Variants in ABCA12 observed in about 807,000 individuals in gnomAD.
ABCA12 encodes glucosylceramide transporter ABCA12.
A neutral mutation model predicts 293.5 loss-of-function variants in ABCA12; 156 were observed. The ratio of observed to expected loss-of-function variants is 0.53; its 90% CI spans 0.47 to 0.61. The LOEUF (loss-of-function observed/expected upper bound fraction) is 0.61, where lower values mean the gene tolerates loss of function less well. ABCA12 is among the 20% of genes least tolerant of loss of function. The pLI, the probability that ABCA12 is intolerant of heterozygous loss-of-function variation, is 0.00. For missense variants in ABCA12, 2,797 were observed against 3,090.2 expected (o/e 0.91, Z 2.25); for synonymous variants, 1,063 against 1,108.0 (o/e 0.96, Z 0.81).
intron 1 of ABCA12, among the ~76,000 whole-genome samples, 160 bp from the exon 2 acceptor site, chr2:215,111,850 T>A (rs867732952): frequency 3.4e-4 from 51 of 152,188 alleles, no homozygotes; most frequent in Non-Finnish European, 1.5e-4. Context: ...GAGATTTTTT[T>A]AATATGTAAA....
intron 27 of ABCA12, among the ~76,000 whole-genome samples, chr2:214,987,174 C>T (rs1339460865): frequency 1.3e-5 from 2 of 152,146 alleles, no homozygotes; most frequent in Admixed American, 6.5e-5. Context: ...CTCCTTCAGG[C>T]ATCACAAAAG....
chr2:214,989,764 T>C, intron 24 of ABCA12, 143 bp from the exon 25 acceptor site: 2 of 850,088 alleles, frequency 2.4e-6, no homozygotes, highest in South Asian at 1.8e-5. Context: ...AATACAGCAG[T>C]CCCTTACCAA....
chr2:215,120,307 A>G (rs1259623583), intron 1 of ABCA12, among the ~76,000 whole-genome samples: 3 of 152,136 alleles, frequency 2.0e-5, no homozygotes, highest in African/African-American at 7.2e-5. Context: ...GGGTTGAAAA[A>G]CTACCTATTT....
chr2:214,981,762 T>G (rs980092945), intron 30 of ABCA12, among the ~76,000 whole-genome samples: 1 of 4,604 alleles, frequency 2.2e-4, no homozygotes, highest in East Asian at 0.17. Context: ...GTCAAGCTGG[T>G]TTTTTTTTTT....
At chr2:215,065,461 G>A (rs374657477) in intron 2 of ABCA12, among the ~76,000 whole-genome samples, 14 of 152,058 alleles carry the variant, frequency 9.2e-5, no homozygotes, top group East Asian at 7.7e-4. Flanking sequence ...ATAGGTATTT[G>A]ATTCCAGTAA....
intron 2 of ABCA12, among the ~76,000 whole-genome samples, chr2:215,107,144 A>G (rs752841313): frequency 2.6e-5 from 4 of 152,078 alleles, no homozygotes; most frequent in Admixed American, 6.5e-5. Context: ...GAGTCTACTT[A>G]TCTCATTCTG....
chr2:215,095,008 C>T (rs2106110706), intron 2 of ABCA12, among the ~76,000 whole-genome samples: 1 of 152,238 alleles, frequency 6.6e-6, no homozygotes, highest in South Asian at 2.1e-4. Context: ...TTTCCTTATC[C>T]CCAAAAATCA....
At position 215,000,872 on chromosome 2, in the gene ABCA12, A is replaced by G. The variant is rs1700128610; in HGVS notation, c.3012T>C (p.Ala1004=). The change falls in exon 22 of 53, where the codon GCT becomes GCC. Residue 1004 remains alanine, a synonymous_variant. Coordinates refer to ENST00000272895, the MANE Select transcript of ABCA12 (RefSeq NM_173076.3). Reference sequence around the variant, plus strand: ...GTGATGGAGAATTGTGTGGCCCTGGAGCCCAAATCTTGGTTCTTAGGCTTC... The same window carrying G: ...GTGATGGAGAATTGTGTGGCCCTGGGGCCCAAATCTTGGTTCTTAGGCTTC... ...TTRSLRTKIW[A]PGPHNSPSHN... 3 of 1,614,140 alleles carry G rather than the reference A, an allele frequency of 1.9e-6. No individual in the cohort carries two copies. In the East Asian group the frequency reaches 6.7e-5, roughly 36 times the overall value.
At chr2:215,013,105 GC>G (rs2106004065) in intron 15 of ABCA12, 1 of 152,238 alleles carries the variant, frequency 6.6e-6, no homozygotes, top group African/African-American at 2.4e-5. Flanking sequence ...TGAGGTGATG[GC>G]TATGCAGTGG....
At chr2:215,083,403 A>T (rs985638711) in intron 2 of ABCA12, among the ~76,000 whole-genome samples, 1 of 152,192 alleles carries the variant, frequency 6.6e-6, no homozygotes, top group Non-Finnish European at 1.5e-5. Context: ...AGGGTTCAGT[A>T]CGAAGGTATC....
At chr2:215,034,874 A>G (rs1700957509) in intron 8 of ABCA12, among the ~76,000 whole-genome samples, 1 of 152,172 alleles carries the variant, frequency 6.6e-6, no homozygotes, top group African/African-American at 2.4e-5. Flanking sequence ...GAAGCCTACA[A>G]ACCTATCTTA....
chr2:215,107,337 T>G (rs2970963), intron 2 of ABCA12, among the ~76,000 whole-genome samples: 10,588 of 152,278 alleles, frequency 0.07, 1,160 homozygotes, highest in African/African-American at 0.24. Context: ...TCCTAAGCAG[T>G]GTTTTTTGGC....
Position 214,955,379 on chromosome 2 carries a change from A to T in ABCA12, c.6234-18T>A. On this transcript the variant is annotated intron_variant, in intron 42 of 52. Transcript: ENST00000272895. Reference sequence around the variant, plus strand: ...TTGCATACCTGCAGGTTAAAAACACAAAGAATTAAAATTACGCCTCGGCCA... The same window carrying T: ...TTGCATACCTGCAGGTTAAAAACACTAAGAATTAAAATTACGCCTCGGCCA... 6.2e-7 allele frequency: 1 copy of T among 1,613,772 alleles called. No individual in the cohort carries two copies. The highest frequency in any genetic ancestry group is 8.5e-7 in the Non-Finnish European group (1 of 1,179,746).
chr2:215,130,802 C>T (rs1315389919), intron 1 of ABCA12, among the ~76,000 whole-genome samples: 1 of 152,100 alleles, frequency 6.6e-6, no homozygotes. Context: ...TGAGACTGAA[C>T]ATCCTTGTCT....
chr2:214,995,072 C>G (rs948381389), intron 23 of ABCA12, among the ~76,000 whole-genome samples: 1 of 152,076 alleles, frequency 6.6e-6, no homozygotes, highest in Non-Finnish European at 1.5e-5. Context: ...AATCGAAAGG[C>G]ATTTTTTAAG....
chr2:214,947,272 T>G (rs1234195977), intron 48 of ABCA12, 150 bp downstream of exon 48: 6 of 1,029,664 alleles, frequency 5.8e-6, no homozygotes, highest in African/African-American at 3.2e-5. Flanking sequence ...TTTATTGAGA[T>G]AGTATACATA....
intron 50 of ABCA12, 31 bp from the exon 51 acceptor site, chr2:214,937,646 A>T (rs1383995875): frequency 5.8e-6 from 9 of 1,548,914 alleles, no homozygotes; most frequent in Non-Finnish European, 8.0e-6. Flanking sequence ...ATATGATATG[A>T]ATTACATTTT....
rs753876731 is a variant in ABCA12, at chr2:214,980,579, G to C, written c.4644C>G (p.Ala1548=). The part of the protein sequence containing the change: ...DEAEVLSDRI[A]FLEQGGLRCC... ...ACCTAAGCCCACCCTGCTCCAGGAA[G>C]GCGATGCGGTCACTCAGCACTTCAG... Residue 1548 remains alanine (A), a synonymous_variant, in exon 31 of 53, where the codon GCC becomes GCG. Transcript: ENST00000272895. 2.5e-6 allele frequency: 4 copies of C among 1,614,096 alleles called. No individual in the cohort carries two copies. Among genetic ancestry groups the C allele is most frequent in the Non-Finnish European group, 3.4e-6 (4 of 1,180,000 alleles).
At chr2:215,130,312 G>A (rs542826970) in intron 1 of ABCA12, among the ~76,000 whole-genome samples, 1 of 152,022 alleles carries the variant, frequency 6.6e-6, no homozygotes, top group South Asian at 2.1e-4. Flanking sequence ...ATTGCTTTGG[G>A]AATATGGTCA....
Sources: allele counts gnomAD v4.1 joint callset (sites outside exome capture counted in the v4.1 genomes callset), GRCh38; gene constraint gnomAD v4.1.1; transcripts MANE v1.5; gene names NCBI Gene and HGNC (gene_info 2026-07-23, HGNC 2026-07-21).